Variants in PIK3C2G observed in about 807,000 individuals in gnomAD.
PIK3C2G encodes phosphatidylinositol 3-kinase C2 domain-containing subunit gamma.
Under a neutral mutation model 181.1 loss-of-function variants are expected in PIK3C2G, and 168 were observed. That is an observed-to-expected ratio of 0.93 (90% confidence interval 0.82 to 1.05). The LOEUF (loss-of-function observed/expected upper bound fraction) is 1.05, where lower values mean the gene tolerates loss of function less well. PIK3C2G is among the 50% of genes least tolerant of loss of function. The pLI is 0.00. For synonymous variants in PIK3C2G, 573 were observed against 592.2 expected, an observed-to-expected ratio of 0.97 and a Z score of 0.47; for missense variants, 1,869 against 1,732.8, an observed-to-expected ratio of 1.08 and a Z score of -1.40.
chr12:18,456,752 T>C (rs1947651162), intron 18 of PIK3C2G, among the ~76,000 whole-genome samples: 1 of 152,152 alleles, frequency 6.6e-6, no homozygotes, highest in Admixed American at 6.5e-5. Flanking sequence ...CTTGCTTATC[T>C]ATGTCTGCAG....
chr12:18,442,759 AC>A (rs886485839), intron 18 of PIK3C2G, among the ~76,000 whole-genome samples: 2 of 152,210 alleles, frequency 1.3e-5, no homozygotes, highest in African/African-American at 4.8e-5. Flanking sequence ...TTAAGAGTAT[AC>A]CTTTTAAAAT....
chr12:18,720,076 G>A, the PIK3C2G span, among the ~76,000 whole-genome samples: 1 of 151,952 alleles, frequency 6.6e-6, no homozygotes, highest in South Asian at 2.1e-4. Flanking sequence ...GTTTTCTTTG[G>A]TTGTTGCACT....
intron 1 of PIK3C2G, among the ~76,000 whole-genome samples, chr12:18,251,728 AT>A (rs1297918123): frequency 6.6e-6 from 1 of 151,994 alleles, no homozygotes; most frequent in Non-Finnish European, 1.5e-5. Context: ...CCATAGCTTG[AT>A]TTTTGTTAAA....
At chr12:18,538,080 G>T in intron 24 of PIK3C2G, 76 bp from the exon 25 acceptor site, 2 of 1,324,030 alleles carry the variant, frequency 1.5e-6, no homozygotes, top group Non-Finnish European at 2.1e-6. Flanking sequence ...ATGAAAATAA[G>T]TCGTTATAAC....
At chr12:18,551,756 A>T (rs943763423) in intron 26 of PIK3C2G, among the ~76,000 whole-genome samples, 4 of 152,120 alleles carry the variant, frequency 2.6e-5, no homozygotes, top group African/African-American at 9.6e-5. Flanking sequence ...TAAGCTAAGA[A>T]ATCCCAGAAA....
chr12:18,353,548 AC>A (rs1337105275), intron 11 of PIK3C2G, among the ~76,000 whole-genome samples: 1 of 152,184 alleles, frequency 6.6e-6, no homozygotes, highest in Non-Finnish European at 1.5e-5. Context: ...CAACAGGTGC[AC>A]CTTGAGAATT....
At chr12:18,406,919 C>T (rs1387402965) in intron 16 of PIK3C2G, among the ~76,000 whole-genome samples, 1 of 152,100 alleles carries the variant, frequency 6.6e-6, no homozygotes, top group African/African-American at 2.4e-5. Flanking sequence ...TCCTTGTATG[C>T]TTTTGGAGTT....
chr12:18,286,466 CAT>C (rs991602041), intron 2 of PIK3C2G, among the ~76,000 whole-genome samples: 10 of 151,954 alleles, frequency 6.6e-5, no homozygotes, highest in African/African-American at 1.7e-4. Context: ...AATTTTAAAA[CAT>C]GTGTATCATT....
chr12:18,566,996 G>T lies in PIK3C2G; in HGVS notation c.3950G>T (p.Arg1317Ile), dbSNP rs1945673319. ...CCTTTTACAAATTCAGATCACAGAA[G>T]ATTCAGAGATCTAAATCATTACATG... ...HLPFTNSDHRRFRDLNHYMEQ... is the reference protein window; with the variant it reads ...HLPFTNSDHRIFRDLNHYMEQ... The change falls in exon 29 of 33, where the codon AGA (arginine) becomes ATA (isoleucine). Residue 1317 changes from arginine to isoleucine, a missense_variant. By Grantham distance (97) the Arg-to-Ile change is moderately conservative. Coordinates refer to ENST00000538779, the MANE Select transcript of PIK3C2G (RefSeq NM_001288772.2). The T allele has an allele frequency of 1.3e-6, 2 of 1,599,402 alleles. No homozygotes were observed. The highest frequency in any genetic ancestry group is 1.3e-5 in the African/African-American group (1 of 74,666).
chr12:18,294,427 A>G (rs1315892829), intron 5 of PIK3C2G, among the ~76,000 whole-genome samples: 6 of 152,066 alleles, frequency 3.9e-5, no homozygotes, highest in Non-Finnish European at 8.8e-5. Flanking sequence ...TTTGGTTAGA[A>G]TAATACTTGC....
At chr12:18,660,136 C>T in the PIK3C2G span, among the ~76,000 whole-genome samples, 30 of 152,200 alleles carry the variant, frequency 2.0e-4, no homozygotes, top group African/African-American at 6.7e-4. Context: ...TTGCTTGCAC[C>T]TTCCAGGAGA....
chr12:18,583,042 C>T (rs1277235247), intron 29 of PIK3C2G, among the ~76,000 whole-genome samples: 2 of 152,090 alleles, frequency 1.3e-5, no homozygotes, highest in Non-Finnish European at 2.9e-5. Flanking sequence ...GGAGCAGTCC[C>T]GTGGCACAGC....
At chr12:18,348,683 C>T (rs79720143) in intron 11 of PIK3C2G, among the ~76,000 whole-genome samples, 179 of 152,232 alleles carry the variant, frequency 1.2e-3, no homozygotes, top group African/African-American at 4.2e-3. Context: ...GATGTCTTAC[C>T]TCATGACAAA....
intron 5 of PIK3C2G, among the ~76,000 whole-genome samples, chr12:18,303,139 T>TTTCTTTCTTTC (rs71302109): frequency 0.071 from 9,108 of 128,284 alleles, 353 homozygotes; most frequent in African/African-American, 0.083. Flanking sequence ...TCTTTCTTTC[T>TTTCTTTCTTTC]TTTCTTTTCT....
chr12:18,386,063 T>TCCCTCCTCCTTCCACAGAACCAAACC (rs1204720875), intron 14 of PIK3C2G, among the ~76,000 whole-genome samples: 25 of 151,992 alleles, frequency 1.6e-4, no homozygotes, highest in African/African-American at 5.8e-4. Context: ...CTGAACTTTC[T>TCCCTCCTCCTTCCACAGAACCAAACC]CCCTCCTCCT....
chr12:18,618,709 G>GA (rs1470603057), intron 31 of PIK3C2G, among the ~76,000 whole-genome samples: 1 of 151,910 alleles, frequency 6.6e-6, no homozygotes, highest in African/African-American at 2.4e-5. Context: ...CATGAGGTAA[G>GA]AAAAAAACAC....
intron 16 of PIK3C2G, among the ~76,000 whole-genome samples, chr12:18,406,348 C>G (rs1300002654): frequency 1.3e-5 from 2 of 152,036 alleles, no homozygotes; most frequent in African/African-American, 4.8e-5. Context: ...CATGGGGGTA[C>G]AGATATCTCT....
At chr12:18,723,542 C>T in the PIK3C2G span, 38 of 1,609,254 alleles carry the variant, frequency 2.4e-5, no homozygotes, top group Middle Eastern at 3.3e-4. Flanking sequence ...CTGTCATTGT[C>T]CTACTAAAAA....
At chr12:18,510,223 C>T (rs1942117399) in intron 24 of PIK3C2G, among the ~76,000 whole-genome samples, 1 of 152,124 alleles carries the variant, frequency 6.6e-6, no homozygotes, top group Non-Finnish European at 1.5e-5. Flanking sequence ...TGGACCTCGG[C>T]CCAAAATGCT....
Sources: allele counts gnomAD v4.1 joint callset (sites outside exome capture counted in the v4.1 genomes callset), GRCh38; gene constraint gnomAD v4.1.1; transcripts MANE v1.5; gene names NCBI Gene and HGNC (gene_info 2026-07-23, HGNC 2026-07-21).